The following CELSR1 variants were observed in gnomAD, a reference collection of about 807,000 sequenced individuals.
The protein encoded by CELSR1 is adhesion G protein-coupled receptor C1.
Under a neutral mutation model 249.1 loss-of-function variants are expected in CELSR1, and 110 were observed. The observed-to-expected ratio is 0.44, with a 90% CI of 0.38 to 0.52. The LOEUF is 0.52. CELSR1 is among the 20% of genes least tolerant of loss of function. CELSR1 has a pLI of 0.00. For missense variants in CELSR1, 4,109 were observed against 4,296.4 expected, an observed-to-expected ratio of 0.96 and a Z score of 1.22; for synonymous variants, 2,113 against 1,900.0, an observed-to-expected ratio of 1.11 and a Z score of -2.92.
chr22:46,391,348 G>A lies in CELSR1; in HGVS notation c.6149-61C>T. 3 of 1,457,766 alleles carry A rather than the reference G, an allele frequency of 2.1e-6. No homozygotes were observed. Among genetic ancestry groups the A allele is most frequent in the Non-Finnish European group, 2.9e-6 (3 of 1,047,470 alleles). The allele number at this position is 1,457,766 out of a possible 1,614,324, so 90.3% of individuals were successfully genotyped here. A position where few individuals can be genotyped will look rare whatever the true frequency, so the allele number is the denominator to read the frequency against. The stretch of plus-strand genomic sequence containing the variant: ...CACGCCACACCCACGACCACAAACA[G>A]GCACCACTGTCTGCATGCGCCTCCC... On this transcript the variant is annotated intron_variant, in intron 15 of 34. Coordinates refer to ENST00000674500, the MANE Select transcript of CELSR1 (RefSeq NM_001378328.1). This position sits in a 1 kb window ranked among gnomAD's most constrained non-coding sequence, Gnocchi z 4.3.
At chr22:46,461,178 GA>G (rs2080022406) in intron 2 of CELSR1, among the ~76,000 whole-genome samples, 1 of 152,158 alleles carries the variant, frequency 6.6e-6, no homozygotes, top group Admixed American at 6.5e-5. Flanking sequence ...GAGGAAGAGG[GA>G]CGGAGTAGAA....
At chr22:46,470,174 G>A (rs9627468) in intron 1 of CELSR1, among the ~76,000 whole-genome samples, 39,621 of 148,654 alleles carry the variant, frequency 0.27, 5,438 homozygotes, top group East Asian at 0.36. Flanking sequence ...TTACTTCCTC[G>A]TGGCAGTTGT....
In CELSR1 at chr22:46,434,632, C is replaced by T. The variant is rs2079636965; in HGVS notation, c.4523-1151G>A. Among the ~76,000 whole-genome samples the T allele has an allele frequency of 6.6e-6, 1 of 152,216 alleles. No individual in the cohort carries two copies. The highest frequency in any genetic ancestry group is 1.5e-5 in the Non-Finnish European group (1 of 68,042). On this transcript the variant is annotated intron_variant, in intron 4 of 34. Coordinates refer to ENST00000674500, the MANE Select transcript of CELSR1 (RefSeq NM_001378328.1). The surrounding 1 kb of genome is among the most constrained non-coding windows in gnomAD (Gnocchi z 4.9). ...TCAACACGGGCCAGGGTTCTAGAGA[C>T]GGAAGCAGCTCTGAGCCATCTTGGT...
At chr22:46,364,790 C>A in intron 32 of CELSR1, 54 bp from the exon 33 acceptor site, 7 of 1,527,292 alleles carry the variant, frequency 4.6e-6, no homozygotes, top group African/African-American at 1.4e-5. Context: ...TCGAGCTGCT[C>A]CCTTGAGAGC....
In CELSR1 at chr22:46,472,265, C is replaced by T. The variant is rs538617798; in HGVS notation, c.3545-7920G>A. On this transcript the variant is annotated intron_variant, in intron 1 of 34. Coordinates refer to ENST00000674500, the MANE Select transcript of CELSR1 (RefSeq NM_001378328.1). The surrounding 1 kb of genome is among the most constrained non-coding windows in gnomAD (Gnocchi z 7.0). ...TTCTGGGTCTTCATGGAGGTTGGGA[C>T]CTGTCCAGTCCCCGACTTTCGTGAA... Among the ~76,000 whole-genome samples, 28 of 152,336 alleles carry T rather than the reference C, an allele frequency of 1.8e-4. No homozygotes were observed. The highest frequency in any genetic ancestry group is 5.9e-4 in the Admixed American group (9 of 15,304).
At position 46,468,740 on chromosome 22, in the gene CELSR1, G is replaced by A. The variant is rs1014846379; in HGVS notation, c.3545-4395C>T. ...GCCACAGAACCACACACTTAAAAATGGTTAAAGTGGTAAACGTATGTGTAT... is the reference window on the plus strand; with the variant it reads ...GCCACAGAACCACACACTTAAAAATAGTTAAAGTGGTAAACGTATGTGTAT... On this transcript the variant is annotated intron_variant, in intron 1 of 34. Coordinates refer to ENST00000674500, the MANE Select transcript of CELSR1 (RefSeq NM_001378328.1). This position sits in a 1 kb window ranked among gnomAD's most constrained non-coding sequence, Gnocchi z 4.5. Among the ~76,000 whole-genome samples, 6 of 152,146 alleles carry A rather than the reference G, an allele frequency of 3.9e-5. No individual in the cohort carries two copies. Among genetic ancestry groups the A allele is most frequent in the African/African-American group, 1.4e-4 (6 of 41,428 alleles).
At position 46,390,623 on chromosome 22, in the gene CELSR1, C is replaced by T. The variant is rs1277106460; in HGVS notation, c.6251-137G>A. 7 of 647,182 alleles carry T rather than the reference C, an allele frequency of 1.1e-5. No homozygotes were observed. Among genetic ancestry groups the T allele is most frequent in the South Asian group, 4.4e-5 (2 of 45,190 alleles). The allele number at this position is 647,182 out of a possible 1,614,324, so 40.1% of individuals were successfully genotyped here. On this transcript the variant is annotated intron_variant, in intron 16 of 34. Transcript: ENST00000674500. This position sits in a 1 kb window ranked among gnomAD's most constrained non-coding sequence, Gnocchi z 6.3. ...TAGAACCCCATGGGGGCCAGGAGGT[C>T]GACACCAGCGCCCCTCTTTCATGTC...
At chr22:46,524,829 G>T (rs145957891) in intron 1 of CELSR1, among the ~76,000 whole-genome samples, 1 of 152,136 alleles carries the variant, frequency 6.6e-6, no homozygotes, top group Non-Finnish European at 1.5e-5. Flanking sequence ...CCCTCAGCAC[G>T]TGTGGGAGGA....
At chr22:46,497,577 T>A (rs2878872) in intron 1 of CELSR1, among the ~76,000 whole-genome samples, 51,068 of 152,092 alleles carry the variant, frequency 0.34, 10,550 homozygotes, top group East Asian at 0.66. Flanking sequence ...CCTGCTCTCT[T>A]CTTTTAGAAG....
intron 2 of CELSR1, among the ~76,000 whole-genome samples, chr22:46,449,098 C>T (rs1398984833): frequency 1.4e-5 from 2 of 145,378 alleles, no homozygotes; most frequent in Non-Finnish European, 3.0e-5. Context: ...ATGAATCCAT[C>T]CACCCATCCA....
Position 46,437,537 on chromosome 22 carries a change from C to T in CELSR1, c.4407-1248G>A, listed in dbSNP as rs1312061500. ...TTGGGAGGCCGAGGTGGGTGGATCA[C>T]CTGAGGTCAGGTTGACCAGCCTGGC... On this transcript the variant is annotated intron_variant, in intron 3 of 34. Coordinates refer to ENST00000674500, the MANE Select transcript of CELSR1 (RefSeq NM_001378328.1). This position sits in a 1 kb window ranked among gnomAD's most constrained non-coding sequence, Gnocchi z 4.9. Among the ~76,000 whole-genome samples the T allele has an allele frequency of 6.6e-6, 1 of 152,142 alleles. No individual in the cohort carries two copies. Among genetic ancestry groups the T allele is most frequent in the African/African-American group, 2.4e-5 (1 of 41,438 alleles).
rs761968867 is a variant in CELSR1, at chr22:46,367,859, C to T, written c.7953-4G>A. 11 of 1,608,308 alleles carry T rather than the reference C, an allele frequency of 6.8e-6. No individual in the cohort carries two copies. Among genetic ancestry groups the T allele is most frequent in the Non-Finnish European group, 8.5e-6 (10 of 1,178,904 alleles). On this transcript the variant is annotated splice_polypyrimidine_tract_variant and splice_region_variant and intron_variant, in intron 27 of 34. Coordinates refer to ENST00000674500, the MANE Select transcript of CELSR1 (RefSeq NM_001378328.1). Reference sequence around the variant, plus strand: ...GAATGCGGTCCTCAGCAGGGAGCTGCGGGAGGGCAGGATCAGGCCTGTGCC... The same window carrying T: ...GAATGCGGTCCTCAGCAGGGAGCTGTGGGAGGGCAGGATCAGGCCTGTGCC...
At chr22:46,450,403 C>T (rs886560159) in intron 2 of CELSR1, among the ~76,000 whole-genome samples, 1 of 152,256 alleles carries the variant, frequency 6.6e-6, no homozygotes, top group Non-Finnish European at 1.5e-5. Context: ...CCTGGGTATC[C>T]CCAGGTTCAC....
In CELSR1 at chr22:46,408,630, G is replaced by A. The variant is rs896838852; in HGVS notation, c.5226+366C>T. Among the ~76,000 whole-genome samples the A allele has an allele frequency of 2.6e-5, 4 of 152,102 alleles. No individual in the cohort carries two copies. Among genetic ancestry groups the A allele is most frequent in the African/African-American group, 7.2e-5 (3 of 41,402 alleles). On this transcript the variant is annotated intron_variant, in intron 9 of 34. Coordinates refer to ENST00000674500, the MANE Select transcript of CELSR1 (RefSeq NM_001378328.1). The surrounding 1 kb of genome is among the most constrained non-coding windows in gnomAD (Gnocchi z 4.6). ...GATTACAGGCATGAGCCACCACCCCGGCCTGCACCTGGCTGCAGCTTTAAC... is the reference window on the plus strand; with the variant it reads ...GATTACAGGCATGAGCCACCACCCCAGCCTGCACCTGGCTGCAGCTTTAAC...
intron 2 of CELSR1, among the ~76,000 whole-genome samples, chr22:46,458,026 G>A (rs1250130579): frequency 1.3e-5 from 2 of 152,264 alleles, no homozygotes; most frequent in Admixed American, 6.5e-5. Flanking sequence ...GGCGGAGGAC[G>A]CTGCTGTCTG....
At chr22:46,482,959 G>A (rs570129935) in intron 1 of CELSR1, among the ~76,000 whole-genome samples, 101 of 152,254 alleles carry the variant, frequency 6.6e-4, no homozygotes, top group Non-Finnish European at 1.2e-3. Context: ...ACACACAACA[G>A]AGCTGGCAAA....
At chr22:46,498,691 C>T (rs1047241609) in intron 1 of CELSR1, among the ~76,000 whole-genome samples, 21 of 151,724 alleles carry the variant, frequency 1.4e-4, no homozygotes, top group African/African-American at 3.6e-4. Context: ...AGGTGACAGA[C>T]GCTTCCTCTC....
rs921858835 is a variant in CELSR1, at chr22:46,430,121, T to G, written c.4611+3272A>C. 1.4e-4 allele frequency among the ~76,000 whole-genome samples: 21 copies of G among 152,118 alleles called. No individual in the cohort carries two copies. Among genetic ancestry groups the G allele is most frequent in the African/African-American group, 4.6e-4 (19 of 41,420 alleles). On this transcript the variant is annotated intron_variant, in intron 5 of 34. Transcript: ENST00000674500. This position sits in a 1 kb window ranked among gnomAD's most constrained non-coding sequence, Gnocchi z 4.6. ...CTGACAGGCAACACCCGGGAGATCATGCTCAGATCTAAAATGCAGGTGGCC... is the reference window on the plus strand; with the variant it reads ...CTGACAGGCAACACCCGGGAGATCAGGCTCAGATCTAAAATGCAGGTGGCC...
chr22:46,536,529 T>C lies in CELSR1; in HGVS notation c.642A>G (p.Pro214=), dbSNP rs2080858325. ...TAGTPSASPS[P]SPPLPPNLPE... ...GCAAGTTCGGCGGCAGGGGCGGCGATGGGGATGGCGACGCGGAGGGCGTCC... is the reference window on the plus strand; with the variant it reads ...GCAAGTTCGGCGGCAGGGGCGGCGACGGGGATGGCGACGCGGAGGGCGTCC... Residue 214 remains proline, a synonymous_variant, in exon 1 of 35, where the codon CCA becomes CCG. Coordinates refer to ENST00000674500, the MANE Select transcript of CELSR1 (RefSeq NM_001378328.1). 6.9e-7 allele frequency: 1 copy of C among 1,450,422 alleles called. No individual in the cohort carries two copies. Among genetic ancestry groups the C allele is most frequent in the Non-Finnish European group, 9.0e-7 (1 of 1,108,052 alleles). The allele number at this position is 1,450,422 out of a possible 1,614,324, so 89.8% of individuals were successfully genotyped here.
Sources: allele counts gnomAD v4.1 joint callset (sites outside exome capture counted in the v4.1 genomes callset), GRCh38; gene constraint gnomAD v4.1.1; non-coding constraint Gnocchi (gnomAD v3.1); transcripts MANE v1.5; gene names NCBI Gene and HGNC (gene_info 2026-07-23, HGNC 2026-07-21).